Variants in ADGRL2 observed in about 807,000 individuals in gnomAD.
ADGRL2 encodes the protein adhesion G protein-coupled receptor L2.
Under a neutral mutation model 157.4 loss-of-function variants are expected in ADGRL2, and 44 were observed. The ratio of observed to expected loss-of-function variants is 0.28; its 90% CI spans 0.22 to 0.36. ADGRL2 has a LOEUF of 0.36. Among genes scored for constraint, ADGRL2 ranks in the 10% least tolerant of loss-of-function variants. ADGRL2 has a pLI of 1.00. For synonymous variants in ADGRL2, 585 were observed against 624.7 expected, an observed-to-expected ratio of 0.94 and a Z score of 0.95; for missense variants, 1,510 against 1,768.9, an observed-to-expected ratio of 0.85 and a Z score of 2.63.
intron 2 of ADGRL2, among the ~76,000 whole-genome samples, chr1:81,525,440 C>A (rs943247057): frequency 5.9e-5 from 9 of 152,260 alleles, no homozygotes; most frequent in African/African-American, 2.2e-4. Context: ...GCCTCAGCCT[C>A]CCGAACAGCT....
intron 1 of ADGRL2, among the ~76,000 whole-genome samples, chr1:81,356,971 A>AAAAAAAAAAAAAAAAAAAAAAAAAAAAG (rs80327519): frequency 4.0e-5 from 4 of 99,400 alleles, no homozygotes; most frequent in African/African-American, 1.3e-4. Context: ...AAAAAAAAAA[A>AAAAAAAAAAAAAAAAAAAAAAAAAAAAG]AAGAAGTTGT....
At chr1:81,571,442 T>C (rs2080690247) in intron 2 of ADGRL2, among the ~76,000 whole-genome samples, 1 of 148,724 alleles carries the variant, frequency 6.7e-6, no homozygotes, top group Admixed American at 6.8e-5. Flanking sequence ...TGTGTATATA[T>C]ATACACACAC....
intron 2 of ADGRL2, among the ~76,000 whole-genome samples, chr1:81,789,076 A>C (rs1010305184): frequency 6.6e-6 from 1 of 152,176 alleles, no homozygotes; most frequent in Non-Finnish European, 1.5e-5. Context: ...TGATAGATTA[A>C]AAAATGAAAC....
At chr1:81,907,615 TA>T (rs991251082) in intron 3 of ADGRL2, among the ~76,000 whole-genome samples, 12 of 152,074 alleles carry the variant, frequency 7.9e-5, no homozygotes, top group Non-Finnish European at 1.5e-4. Context: ...TTTTTTTTTT[TA>T]AATTAATAAA....
At chr1:81,361,582 T>C (rs907830491) in intron 1 of ADGRL2, among the ~76,000 whole-genome samples, 2 of 151,966 alleles carry the variant, frequency 1.3e-5, no homozygotes, top group African/African-American at 4.8e-5. Context: ...ATTTGTTGAA[T>C]GAATAGATAA....
chr1:81,974,422 G>T (rs995559654), intron 17 of ADGRL2, among the ~76,000 whole-genome samples: 3 of 152,150 alleles, frequency 2.0e-5, no homozygotes, highest in Non-Finnish European at 4.4e-5. Flanking sequence ...TAAGAGTTCA[G>T]CTCACACACT....
chr1:81,953,392 A>G (rs1652472614), intron 10 of ADGRL2, among the ~76,000 whole-genome samples: 1 of 152,188 alleles, frequency 6.6e-6, no homozygotes, highest in Non-Finnish European at 1.5e-5. Context: ...AAGACTGTAT[A>G]GTCATAATAT....
chr1:81,707,160 C>T (rs1050771095), intron 1 of ADGRL2, among the ~76,000 whole-genome samples: 4 of 151,730 alleles, frequency 2.6e-5, no homozygotes, highest in South Asian at 2.1e-4. Flanking sequence ...AGGTGGGTGG[C>T]GGTTAATGGG....
chr1:81,824,377 C>T (rs748552801), intron 1 of ADGRL2, among the ~76,000 whole-genome samples: 4 of 152,122 alleles, frequency 2.6e-5, no homozygotes, highest in South Asian at 2.1e-4. Context: ...TGGGCTCAAG[C>T]GATCCTTCCA....
chr1:81,713,928 G>C (rs1419090242), intron 1 of ADGRL2, among the ~76,000 whole-genome samples: 1 of 152,152 alleles, frequency 6.6e-6, no homozygotes, highest in African/African-American at 2.4e-5. Flanking sequence ...AAGGTTTAAT[G>C]GTCTCACAGT....
intron 1 of ADGRL2, among the ~76,000 whole-genome samples, chr1:81,827,364 G>A (rs1051031549): frequency 7.2e-5 from 11 of 152,110 alleles, no homozygotes; most frequent in Non-Finnish European, 1.3e-4. Flanking sequence ...TCATGCTAAT[G>A]GAAGAATACC....
intron 1 of ADGRL2, among the ~76,000 whole-genome samples, chr1:81,334,150 T>C (rs994953980): frequency 3.3e-5 from 5 of 152,212 alleles, no homozygotes; most frequent in Non-Finnish European, 7.3e-5. Flanking sequence ...TAATGGTTAA[T>C]AGCACAAGCT....
intron 1 of ADGRL2, among the ~76,000 whole-genome samples, chr1:81,749,659 T>A (rs754875462): frequency 2.6e-5 from 4 of 152,210 alleles, no homozygotes; most frequent in Non-Finnish European, 5.9e-5. Flanking sequence ...AATTTTATGG[T>A]TAATTGAATA....
intron 1 of ADGRL2, among the ~76,000 whole-genome samples, chr1:81,388,104 C>T (rs1237456046): frequency 1.3e-5 from 2 of 152,092 alleles, no homozygotes; most frequent in East Asian, 1.9e-4. Flanking sequence ...CAGCTATTTT[C>T]AAACTTGTCT....
intron 1 of ADGRL2, among the ~76,000 whole-genome samples, chr1:81,361,943 T>G (rs1005146063): frequency 6.6e-6 from 1 of 151,912 alleles, no homozygotes; most frequent in Non-Finnish European, 1.5e-5. Context: ...TATGGTTTTT[T>G]TTTAGAAACA....
intron 2 of ADGRL2, among the ~76,000 whole-genome samples, chr1:81,876,140 T>G (rs966788540): frequency 1.3e-5 from 2 of 152,182 alleles, no homozygotes; most frequent in Non-Finnish European, 2.9e-5. Context: ...TAAGTTATAG[T>G]GCTTTCCACG....
intron 1 of ADGRL2, among the ~76,000 whole-genome samples, chr1:81,739,108 C>T (rs1439504634): frequency 6.6e-6 from 1 of 152,156 alleles, no homozygotes; most frequent in Non-Finnish European, 1.5e-5. Context: ...GTAAAGCAAG[C>T]CTGGCAGGCA....
chr1:81,369,912 G>C (rs539610501), intron 1 of ADGRL2, among the ~76,000 whole-genome samples: 3 of 152,076 alleles, frequency 2.0e-5, no homozygotes, highest in Non-Finnish European at 4.4e-5. Context: ...CTGCAAACTG[G>C]ATAGCAGCTT....
Position 81,714,162 on chromosome 1 carries a change from A to G in ADGRL2, c.-143+14354A>G, listed in dbSNP as rs149924025. Among the ~76,000 whole-genome samples, 1,446 of 152,270 alleles carry G rather than the reference A, an allele frequency of 9.5e-3. 25 individuals are homozygous for G. The highest frequency in any genetic ancestry group is 0.033 in the African/African-American group (1,378 of 41,550). On this transcript the variant is annotated intron_variant, in intron 1 of 20. Transcript: ENST00000359929. ...GTCCCTCCCATGACATGTGGGGATT[A>G]TGGGAGCTACAATTCAAGATGAGAT...
Sources: allele counts gnomAD v4.1 joint callset (sites outside exome capture counted in the v4.1 genomes callset), GRCh38; gene constraint gnomAD v4.1.1; transcripts MANE v1.5; gene names NCBI Gene and HGNC (gene_info 2026-07-23, HGNC 2026-07-21).